ME1: variants seen among roughly 807,000 people sequenced by gnomAD.
ME1 encodes malic enzyme 1.
ME1 carries 74 observed loss-of-function variants against 66.4 expected under a neutral mutation model. The ratio of observed to expected loss-of-function variants is 1.11; its 90% CI spans 0.92 to 1.35. ME1 has a LOEUF of 1.35. Ranked by LOEUF, ME1 falls within the 40% of genes most tolerant of loss-of-function variation. The pLI is 0.00. For missense variants in ME1, 750 were observed against 694.1 expected (o/e 1.08, Z -0.90); for synonymous variants, 251 against 235.6 (o/e 1.07, Z -0.60).
intron 4 of ME1, among the ~76,000 whole-genome samples, chr6:83,349,015 A>AAC (rs746037012): frequency 0.016 from 1,973 of 123,594 alleles, 137 homozygotes; most frequent in Middle Eastern, 0.067. Flanking sequence ...AAAACAAAAA[A>AAC]CAGTGCATTC....
Position 83,430,858 on chromosome 6 carries a change from G to C in ME1, c.78+19C>G. ...ATAGAGAGGGGCCGATGGGCGGCCA[G>C]GTGGGCCTGCGGGTTTACCTTGTTG... On this transcript the variant is annotated intron_variant, in intron 1 of 13. Coordinates refer to ENST00000369705, the MANE Select transcript of ME1 (RefSeq NM_002395.6). 6.3e-7 allele frequency: 1 copy of C among 1,589,910 alleles called. No individual in the cohort carries two copies. Among genetic ancestry groups the C allele is most frequent in the Non-Finnish European group, 8.6e-7 (1 of 1,167,234 alleles).
rs869196328 is a variant in ME1, at chr6:83,275,764, C to CTTTTTTTTTTT, written c.705-22037_705-22027dup. On this transcript the variant is annotated intron_variant, in intron 6 of 13. Transcript: ENST00000369705. ...ACCGGTGTGAGCCACGGCGCCCGGC[C>CTTTTTTTTTTT]TTTTTTTTTTTTTTTTTTTTTTTTT... Among the ~76,000 whole-genome samples the CTTTTTTTTTTT allele has an allele frequency of 5.3e-5, 2 of 38,036 alleles. 1 individual carries two copies. The highest frequency in any genetic ancestry group is 2.8e-4 in the African/African-American group (2 of 7,018). The allele number at this position is 38,036 out of a possible 152,430, so 25.0% of individuals were successfully genotyped here.
intron 5 of ME1, among the ~76,000 whole-genome samples, chr6:83,322,081 C>G (rs1414355177): frequency 6.6e-6 from 1 of 152,192 alleles, no homozygotes; most frequent in Non-Finnish European, 1.5e-5. Flanking sequence ...AGAAGGAAAA[C>G]TAACAAACAG....
At chr6:83,326,287 C>T (rs1664542824) in intron 5 of ME1, among the ~76,000 whole-genome samples, 1 of 152,022 alleles carries the variant, frequency 6.6e-6, no homozygotes, top group African/African-American at 2.4e-5. Context: ...CTATAAAAAC[C>T]CTAGAAGAAA....
At chr6:83,395,283 C>T (rs1472878130) in intron 3 of ME1, among the ~76,000 whole-genome samples, 1 of 151,728 alleles carries the variant, frequency 6.6e-6, no homozygotes, top group Admixed American at 6.6e-5. Flanking sequence ...GATAGGGTTT[C>T]ACCATGTTGG....
intron 4 of ME1, among the ~76,000 whole-genome samples, chr6:83,347,516 T>C (rs908440279): frequency 3.9e-5 from 6 of 152,166 alleles, no homozygotes; most frequent in African/African-American, 1.2e-4. Context: ...TTCTTATTGG[T>C]AAATTGGGAG....
intron 7 of ME1, among the ~76,000 whole-genome samples, chr6:83,239,849 C>A (rs1018993479): frequency 2.6e-5 from 4 of 152,050 alleles, no homozygotes; most frequent in Admixed American, 1.3e-4. Context: ...TTCTTGAAAA[C>A]TTCCCTAAAA....
Position 83,407,806 on chromosome 6 carries a change from T to G in ME1, c.174A>C (p.Val58=). Residue 58 remains valine, a synonymous_variant, in exon 2 of 14, where the codon GTA becomes GTC. Transcript: ENST00000369705. ...AGTTCAGATGCTCGAAATTTTTTACTACTCTAAGAACCTGGATCTCCTGAC... is the reference window on the plus strand; with the variant it reads ...AGTTCAGATGCTCGAAATTTTTTACGACTCTAAGAACCTGGATCTCCTGAC... ...FNSQEIQVLR[V]VKNFEHLNSD... 6.2e-7 allele frequency: 1 copy of G among 1,609,048 alleles called. No individual in the cohort carries two copies. Among genetic ancestry groups the G allele is most frequent in the Non-Finnish European group, 8.5e-7 (1 of 1,178,846 alleles).
intron 6 of ME1, among the ~76,000 whole-genome samples, chr6:83,270,143 T>C (rs1353084089): frequency 2.0e-5 from 3 of 152,146 alleles, no homozygotes; most frequent in Non-Finnish European, 4.4e-5. Context: ...CTCGTGTAAG[T>C]AAAATGAATG....
Position 83,239,560 on chromosome 6 carries a change from T to C in ME1, c.891A>G (p.Ile297Met). The C allele has an allele frequency of 5.6e-6, 9 of 1,612,838 alleles. No homozygotes were observed. Among genetic ancestry groups the C allele is most frequent in the Non-Finnish European group, 7.6e-6 (9 of 1,178,962 alleles). ...ITKNKLSDQTILFQGAGEAAL... is the reference protein window; with the variant it reads ...ITKNKLSDQTMLFQGAGEAAL... ...ATACCTCTCCAGCTCCTTGGAATAG[T>C]ATTGTTTGATCAGACAGTTTGTTCT... Residue 297 changes from isoleucine to methionine, a missense_variant, in exon 8 of 14, where the codon ATA becomes ATG. Ile to Met is a conservative substitution (Grantham distance 10). Coordinates refer to ENST00000369705, the MANE Select transcript of ME1 (RefSeq NM_002395.6).
intron 7 of ME1, among the ~76,000 whole-genome samples, chr6:83,249,775 A>T (rs1254193024): frequency 2.0e-5 from 3 of 152,070 alleles, no homozygotes; most frequent in Non-Finnish European, 4.4e-5. Flanking sequence ...TACTTTACTC[A>T]TGGTGTACAG....
At chr6:83,226,641 C>A (rs191831270) in intron 11 of ME1, among the ~76,000 whole-genome samples, 4 of 152,108 alleles carry the variant, frequency 2.6e-5, no homozygotes, top group East Asian at 1.9e-4. Flanking sequence ...CCATTAAGTT[C>A]CAGTTAATGC....
chr6:83,306,256 A>C (rs895712834), intron 6 of ME1, among the ~76,000 whole-genome samples: 1 of 152,074 alleles, frequency 6.6e-6, no homozygotes, highest in African/African-American at 2.4e-5. Flanking sequence ...AACTGGGCTT[A>C]ATCTTGCTAA....
intron 6 of ME1, among the ~76,000 whole-genome samples, chr6:83,263,423 T>C (rs1452229260): frequency 6.6e-6 from 1 of 152,164 alleles, no homozygotes; most frequent in Non-Finnish European, 1.5e-5. Flanking sequence ...GGACAAAAGT[T>C]AGACCTGTTG....
At chr6:83,225,797 G>A (rs1404950502) in intron 11 of ME1, among the ~76,000 whole-genome samples, 1 of 131,004 alleles carries the variant, frequency 7.6e-6, no homozygotes, top group Non-Finnish European at 1.6e-5. Flanking sequence ...TTGAGAAAGA[G>A]GCCTGTAACA....
At position 83,301,242 on chromosome 6, in the gene ME1, CCTTT is replaced by C. The variant is rs1488014901; in HGVS notation, c.704+14064_704+14067del. On this transcript the variant is annotated intron_variant, in intron 6 of 13. Coordinates refer to ENST00000369705, the MANE Select transcript of ME1 (RefSeq NM_002395.6). ...GGAAAACAAATGTCCTCCCTTGCTT[CCTTT>C]CTCTTTCTTTCTTTCCCCTTCCTTC... Among the ~76,000 whole-genome samples, 4 of 113,116 alleles carry C rather than the reference CCTTT, an allele frequency of 3.5e-5. No homozygotes were observed. The East Asian group carries it at 7.1e-4, about 20-fold the overall frequency. The allele number at this position is 113,116 out of a possible 152,430, so 74.2% of individuals were successfully genotyped here.
intron 1 of ME1, among the ~76,000 whole-genome samples, chr6:83,414,440 T>A (rs1224504386): frequency 6.6e-6 from 1 of 152,138 alleles, no homozygotes; most frequent in African/African-American, 2.4e-5. Context: ...CTGTTAATGA[T>A]TATAACAATA....
In ME1 at chr6:83,308,720, A is replaced by T. The variant is rs1318396423; in HGVS notation, c.704+6590T>A. Among the ~76,000 whole-genome samples, 3 of 151,290 alleles carry T rather than the reference A, an allele frequency of 2.0e-5. No individual in the cohort carries two copies. In the South Asian group the frequency reaches 6.3e-4, roughly 32 times the overall value. On this transcript the variant is annotated intron_variant, in intron 6 of 13. Coordinates refer to ENST00000369705, the MANE Select transcript of ME1 (RefSeq NM_002395.6). Reference sequence around the variant, plus strand: ...TTAGAAACTAGGGATATGGCAGTGGAGGAAAAAGAAAACTCCCTGCTTTCA... The same window carrying T: ...TTAGAAACTAGGGATATGGCAGTGGTGGAAAAAGAAAACTCCCTGCTTTCA...
chr6:83,262,323 C>T (rs960007628), intron 6 of ME1, among the ~76,000 whole-genome samples: 1 of 152,122 alleles, frequency 6.6e-6, no homozygotes, highest in Non-Finnish European at 1.5e-5. Flanking sequence ...CTGTATTCTC[C>T]TATTTCTAGT....
Sources: allele counts gnomAD v4.1 joint callset (sites outside exome capture counted in the v4.1 genomes callset), GRCh38; gene constraint gnomAD v4.1.1; transcripts MANE v1.5; gene names NCBI Gene and HGNC (gene_info 2026-07-23, HGNC 2026-07-21).